Variants in SH3PXD2B observed in about 807,000 individuals in gnomAD.
SH3PXD2B encodes SH3 and PX domains 2B.
A neutral mutation model predicts 73.1 loss-of-function variants in SH3PXD2B; 37 were observed. The observed-to-expected ratio is 0.51, with a 90% CI of 0.39 to 0.67. The LOEUF is 0.67. SH3PXD2B is among the 30% of genes least tolerant of loss of function. The pLI, the probability that SH3PXD2B is intolerant of heterozygous loss-of-function variation, is 0.00. For synonymous variants in SH3PXD2B, 457 were observed against 480.5 expected (o/e 0.95, Z 0.64); for missense variants, 1,053 against 1,197.8 (o/e 0.88, Z 1.78).
At chr5:172,389,063 T>C (rs1430216000) in intron 4 of SH3PXD2B, among the ~76,000 whole-genome samples, 1 of 151,012 alleles carries the variant, frequency 6.6e-6, no homozygotes, top group Non-Finnish European at 1.5e-5. Context: ...TTTTCTTTTT[T>C]TTTTTTTTTT....
intron 11 of SH3PXD2B, 82 bp downstream of exon 11, chr5:172,347,201 C>G (rs550184419): frequency 2.2e-6 from 3 of 1,369,940 alleles, no homozygotes; most frequent in Non-Finnish European, 3.1e-6. Flanking sequence ...TCTGGAAGGG[C>G]GAGGGGTGTG....
chr5:172,431,154 A>T (rs1759229439), intron 1 of SH3PXD2B, among the ~76,000 whole-genome samples: 1 of 152,084 alleles, frequency 6.6e-6, no homozygotes, highest in South Asian at 2.1e-4. Flanking sequence ...GGCGTGAGCC[A>T]CCGCGCCCAG....
intron 5 of SH3PXD2B, among the ~76,000 whole-genome samples, chr5:172,374,993 T>C (rs906493114): frequency 1.3e-5 from 2 of 152,196 alleles, no homozygotes; most frequent in African/African-American, 4.8e-5. Context: ...AGCTAGCAAG[T>C]AGCACAGCTA....
chr5:172,340,154 C>T (rs73319703), intron 12 of SH3PXD2B, among the ~76,000 whole-genome samples: 1 of 152,086 alleles, frequency 6.6e-6, no homozygotes, highest in African/African-American at 2.4e-5. Context: ...TGAGATGTGG[C>T]CTTGGGTATA....
chr5:172,338,827 G>A lies in SH3PXD2B; in HGVS notation c.2278C>T (p.Arg760Cys), dbSNP rs199590644. The A allele has an allele frequency of 3.0e-5, 48 of 1,613,970 alleles. No homozygotes were observed. Among genetic ancestry groups the A allele is most frequent in the East Asian group, 2.5e-4 (11 of 44,890 alleles). Residue 760 changes from arginine (R) to cysteine (C), a missense_variant, in exon 13 of 13, where the codon CGC (arginine) becomes TGC (cysteine). This residue lies in a region of SH3PXD2B where 587 missense variants were observed against 590.7 expected (regional missense o/e 0.99). Transcript: ENST00000311601. This position sits in a 1 kb window ranked among gnomAD's most constrained non-coding sequence, Gnocchi z 5.1. ...APQQRPVVPP[R>C]RPPPPKKTSS... ...GTTTTCTTTGGGGGAGGTGGTCTGC[G>A]GGGTGGGACCACAGGTCTCTGCTGG...
At chr5:172,391,775 G>C (rs1471261981) in intron 4 of SH3PXD2B, among the ~76,000 whole-genome samples, 4 of 152,180 alleles carry the variant, frequency 2.6e-5, no homozygotes, top group African/African-American at 9.6e-5. Context: ...TGGCCATTTT[G>C]TTAATGGTAC....
At chr5:172,389,463 T>C (rs949625580) in intron 4 of SH3PXD2B, among the ~76,000 whole-genome samples, 1 of 126,818 alleles carries the variant, frequency 7.9e-6, no homozygotes, top group Non-Finnish European at 1.8e-5. Context: ...GTAAGTAACT[T>C]TGTTGGGCCT....
intron 4 of SH3PXD2B, among the ~76,000 whole-genome samples, chr5:172,392,771 C>T (rs536183488): frequency 1.1e-4 from 17 of 152,124 alleles, no homozygotes; most frequent in Non-Finnish European, 2.1e-4. Context: ...GGCAACAGGG[C>T]GAGACTCCAT....
intron 3 of SH3PXD2B, among the ~76,000 whole-genome samples, chr5:172,402,172 G>T (rs534430679): frequency 2.0e-5 from 3 of 152,140 alleles, no homozygotes; most frequent in Non-Finnish European, 4.4e-5. Context: ...CTCTGGGAAC[G>T]TCTTGTCTTT....
At chr5:172,397,166 A>C (rs1047954190) in intron 3 of SH3PXD2B, among the ~76,000 whole-genome samples, 4 of 152,134 alleles carry the variant, frequency 2.6e-5, no homozygotes, top group Admixed American at 1.3e-4. Flanking sequence ...CACTCTGGGA[A>C]CGTCTGTCTT....
chr5:172,347,519 A>C (rs1307544151), intron 10 of SH3PXD2B, among the ~76,000 whole-genome samples, 187 bp from the exon 11 acceptor site: 1 of 151,836 alleles, frequency 6.6e-6, no homozygotes, highest in African/African-American at 2.4e-5. Context: ...TTGGCTCAGG[A>C]CTCTCTCGAC....
intron 11 of SH3PXD2B, 30 bp downstream of exon 11, chr5:172,347,253 G>A (rs957005032): frequency 2.0e-5 from 32 of 1,613,316 alleles, no homozygotes; most frequent in Non-Finnish European, 2.7e-5. Flanking sequence ...CAAGTCAGTG[G>A]CCACTCCCCA....
At chr5:172,382,556 A>AACACACACACACACAC (rs3057156) in intron 4 of SH3PXD2B, among the ~76,000 whole-genome samples, 1 of 149,460 alleles carries the variant, frequency 6.7e-6, no homozygotes, top group Non-Finnish European at 1.5e-5. Flanking sequence ...TTTGGAGAAC[A>AACACACACACACACAC]ACACACACAC....
At chr5:172,416,964 C>T (rs1333728271) in intron 2 of SH3PXD2B, among the ~76,000 whole-genome samples, 1 of 152,074 alleles carries the variant, frequency 6.6e-6, no homozygotes, top group East Asian at 1.9e-4. Flanking sequence ...CTGCCTCAGC[C>T]TCTCAAAGTG....
intron 6 of SH3PXD2B, among the ~76,000 whole-genome samples, chr5:172,370,900 C>T (rs1757688880): frequency 6.6e-6 from 1 of 152,184 alleles, no homozygotes. Flanking sequence ...ATTGCAATCT[C>T]TAAATGTTGC....
At chr5:172,431,272 C>G (rs1463118445) in intron 1 of SH3PXD2B, among the ~76,000 whole-genome samples, 1 of 152,260 alleles carries the variant, frequency 6.6e-6, no homozygotes, top group Admixed American at 6.5e-5. Context: ...TCTCAGAAAT[C>G]TGGGATCAGC....
downstream of SH3PXD2B, among the ~76,000 whole-genome samples, chr5:172,330,764 T>A (rs1756538110): frequency 1.3e-5 from 2 of 152,350 alleles, no homozygotes; most frequent in South Asian, 4.1e-4. Flanking sequence ...GCTGTGGCCA[T>A]GGGTAAATTA....
chr5:172,352,162 A>T (rs1045800581), intron 9 of SH3PXD2B, among the ~76,000 whole-genome samples: 6 of 152,218 alleles, frequency 3.9e-5, no homozygotes, highest in Non-Finnish European at 8.8e-5. Flanking sequence ...GGGACAATTT[A>T]TTATGCAGCA....
intron 6 of SH3PXD2B, among the ~76,000 whole-genome samples, chr5:172,370,665 G>A (rs939164333): frequency 6.6e-6 from 1 of 152,214 alleles, no homozygotes; most frequent in African/African-American, 2.4e-5. Flanking sequence ...TCTCTGCCAT[G>A]AAGTGGTTCA....
Sources: gnomAD v4.1 joint callset for allele counts (sites outside exome capture counted in the v4.1 genomes callset) on GRCh38, gnomAD v4.1.1 for gene constraint, gnomAD v4.1.1 regional missense constraint, Gnocchi (gnomAD v3.1) non-coding constraint, MANE v1.5 for transcripts, NCBI Gene and HGNC (gene_info 2026-07-23, HGNC 2026-07-21) for gene names.